ANAPC7: variants seen among roughly 807,000 people sequenced by gnomAD.
ANAPC7 encodes anaphase promoting complex subunit 7.
ANAPC7 carries 25 observed loss-of-function variants against 63.3 expected under a neutral mutation model. That is an observed-to-expected ratio of 0.39 (90% CI 0.29 to 0.55). ANAPC7 has a LOEUF of 0.55. Among genes scored for constraint, ANAPC7 ranks in the 20% least tolerant of loss-of-function variants. The pLI is 0.57. For missense variants in ANAPC7, 516 were observed against 691.7 expected (o/e 0.75, Z 2.85); for synonymous variants, 241 against 251.7 (o/e 0.96, Z 0.40).
intron 1 of ANAPC7, among the ~76,000 whole-genome samples, chr12:110,399,794 C>CAAAAAA (rs60764482): frequency 1.6e-5 from 1 of 60,688 alleles, no homozygotes; most frequent in Non-Finnish European, 3.5e-5. Context: ...CTGTCTCAGA[C>CAAAAAA]AAAAAAAAAA....
rs778617063 is a variant in ANAPC7, at chr12:110,374,354, G to A, written c.1509-21C>T. On this transcript the variant is annotated intron_variant, in intron 10 of 10. Coordinates refer to ENST00000455511, the MANE Select transcript of ANAPC7 (RefSeq NM_016238.3). ...CCAAACTAGGGGACAACAAAACAAA[G>A]GAGAGGCCTGAATCTCTGCCTTGCT... 1.1e-5 allele frequency: 17 copies of A among 1,609,836 alleles called. No homozygotes were observed. The South Asian group carries it at 1.9e-4, about 18-fold the overall frequency.
chr12:110,397,048 CA>C (rs1392381061), intron 1 of ANAPC7, among the ~76,000 whole-genome samples: 1 of 150,036 alleles, frequency 6.7e-6, no homozygotes, highest in Admixed American at 6.7e-5. Flanking sequence ...CTAAAAAATA[CA>C]AAAAATTAGC....
At chr12:110,402,478 C>T (rs559072106) in intron 1 of ANAPC7, among the ~76,000 whole-genome samples, 2 of 151,960 alleles carry the variant, frequency 1.3e-5, no homozygotes, top group Admixed American at 6.6e-5. Context: ...TACAGGCGCC[C>T]GCCACCACGC....
chr12:110,389,312 T>G (rs186528084), intron 3 of ANAPC7, among the ~76,000 whole-genome samples: 14 of 152,256 alleles, frequency 9.2e-5, no homozygotes, highest in Admixed American at 5.2e-4. Flanking sequence ...CTATCTCACA[T>G]AAGAAAGTGA....
chr12:110,382,034 A>G (rs1881905308), intron 7 of ANAPC7, 86 bp from the exon 8 acceptor site: 1 of 1,279,952 alleles, frequency 7.8e-7, no homozygotes, highest in South Asian at 1.5e-5. Context: ...CAAAAATCAT[A>G]TTGAAGGCCC....
chr12:110,392,106 A>G (rs1399041328), intron 3 of ANAPC7, among the ~76,000 whole-genome samples: 2 of 151,668 alleles, frequency 1.3e-5, no homozygotes, highest in Non-Finnish European at 2.9e-5. Context: ...AAAAAAAAAA[A>G]AAAAAAAAAA....
intron 10 of ANAPC7, chr12:110,375,390 G>C (rs1375768428): frequency 3.5e-5 from 34 of 982,444 alleles, no homozygotes; most frequent in African/African-American, 8.7e-5. Context: ...CTGAACAATT[G>C]AATGTGATCA....
intron 1 of ANAPC7, among the ~76,000 whole-genome samples, chr12:110,397,887 CTCTG>C (rs1415204234): frequency 2.6e-5 from 4 of 151,076 alleles, no homozygotes; most frequent in Non-Finnish European, 4.4e-5. Flanking sequence ...AAGAGTGAAA[CTCTG>C]TCTTTTAAAA....
intron 1 of ANAPC7, among the ~76,000 whole-genome samples, chr12:110,397,994 C>T (rs1009714654): frequency 3.3e-5 from 5 of 152,208 alleles, no homozygotes; most frequent in Non-Finnish European, 4.4e-5. Flanking sequence ...ACCTGTAATC[C>T]GAGCACTTTG....
chr12:110,391,388 T>A (rs181111888), intron 3 of ANAPC7, among the ~76,000 whole-genome samples: 1 of 152,338 alleles, frequency 6.6e-6, no homozygotes, highest in Admixed American at 6.5e-5. Flanking sequence ...AATTTTCCTT[T>A]AAAATGTGAG....
intron 3 of ANAPC7, among the ~76,000 whole-genome samples, chr12:110,391,816 C>T (rs1158740459): frequency 1.3e-5 from 2 of 152,048 alleles, no homozygotes; most frequent in Admixed American, 6.6e-5. Context: ...GCTTCTTGGC[C>T]GGGCGTGGTG....
chr12:110,382,958 T>G lies in ANAPC7; in HGVS notation c.820A>C (p.Met274Leu). Residue 274 changes from methionine to leucine, a missense_variant and splice_region_variant, in exon 7 of 11, where the codon ATG becomes CTG. By Grantham distance (15) the Met-to-Leu change is conservative (BLOSUM62 2). Transcript: ENST00000455511. Reference sequence around the variant, plus strand: ...GCCAGTAGGTAGCCATATACATCCATTCCTAGAAGAGAAGGACATAGTGAG... The same window carrying G: ...GCCAGTAGGTAGCCATATACATCCAGTCCTAGAAGAGAAGGACATAGTGAG... ...QMLDPYLIKG[M>L]DVYGYLLARE... 2 of 1,611,454 alleles carry G rather than the reference T, an allele frequency of 1.2e-6. No homozygotes were observed. Among genetic ancestry groups the G allele is most frequent in the Non-Finnish European group, 1.7e-6 (2 of 1,178,202 alleles).
At chr12:110,381,709 A>G in intron 8 of ANAPC7, 43 bp downstream of exon 8, 12 of 1,588,426 alleles carry the variant, frequency 7.6e-6, no homozygotes, top group Non-Finnish European at 1.0e-5. Flanking sequence ...GGCTGCTGCC[A>G]CACCCACGGA....
At chr12:110,377,779 T>C in intron 8 of ANAPC7, 162 bp from the exon 9 acceptor site, 6 of 1,462,104 alleles carry the variant, frequency 4.1e-6, no homozygotes, top group Non-Finnish European at 4.5e-6. Flanking sequence ...GTTGATGGAA[T>C]AGCTAAGAAG....
rs764063239 is a variant in ANAPC7, at chr12:110,396,305, T to C, written c.249A>G (p.Arg83=). 1 of 1,613,574 alleles carries C rather than the reference T, an allele frequency of 6.2e-7. No individual in the cohort carries two copies. Among genetic ancestry groups the C allele is most frequent in the South Asian group, 1.1e-5 (1 of 90,930 alleles). ...TAGATGCAGAATTTCCAGTTGAAGG[T>C]CTCACTTTTGAAGTTTTACTTAGCG... The part of the protein sequence containing the change: ...KKALSKTSKV[R]PSTGNSASTP... Residue 83 remains arginine, a synonymous_variant, in exon 2 of 11, where the codon AGA becomes AGG. Coordinates refer to ENST00000455511, the MANE Select transcript of ANAPC7 (RefSeq NM_016238.3).
intron 1 of ANAPC7, among the ~76,000 whole-genome samples, chr12:110,397,886 ACT>A (rs554600290): frequency 1.7e-4 from 26 of 150,326 alleles, no homozygotes; most frequent in Non-Finnish European, 3.4e-4. Context: ...CAAGAGTGAA[ACT>A]CTGTCTTTTA....
Position 110,388,640 on chromosome 12 carries a change from A to T in ANAPC7, c.409-17T>A. On this transcript the variant is annotated splice_polypyrimidine_tract_variant and intron_variant, in intron 3 of 10. Transcript: ENST00000455511. ...CATGTTTATCTGTACAAACACAAAT[A>T]ACAGATAGCAAAATAAGCGTATATT... 6.4e-7 allele frequency: 1 copy of T among 1,558,248 alleles called. No homozygotes were observed. Among genetic ancestry groups the T allele is most frequent in the Non-Finnish European group, 8.8e-7 (1 of 1,134,226 alleles).
At chr12:110,387,317 G>A (rs569327816) in intron 5 of ANAPC7, 2 of 117,386 alleles carry the variant, frequency 1.7e-5, no homozygotes, top group African/African-American at 6.5e-5. Flanking sequence ...GAGACAGAGA[G>A]ACAGAGAGAG....
In ANAPC7 at chr12:110,384,310, T is replaced by C. The variant is rs577715463; in HGVS notation, c.818-1350A>G. 1.1e-3 allele frequency among the ~76,000 whole-genome samples: 162 copies of C among 152,206 alleles called. 1 individual carries two copies. The highest frequency in any genetic ancestry group is 1.7e-3 in the Non-Finnish European group (113 of 67,992). ...TACTCAGGGGGCTAAGGCAGGAGGA[T>C]TGCTTGAGCCCAGGAGGTCAAGGCT... is the stretch of plus-strand genomic sequence containing the variant. On this transcript the variant is annotated intron_variant, in intron 6 of 10. Coordinates refer to ENST00000455511, the MANE Select transcript of ANAPC7 (RefSeq NM_016238.3).
Sources: gnomAD v4.1 joint callset for allele counts (sites outside exome capture counted in the v4.1 genomes callset) on GRCh38, gnomAD v4.1.1 for gene constraint, MANE v1.5 for transcripts, NCBI Gene and HGNC (gene_info 2026-07-23, HGNC 2026-07-21) for gene names.